Variants in SPEG observed in about 807,000 individuals in gnomAD.
SPEG encodes the protein striated muscle preferentially expressed protein kinase.
A neutral mutation model predicts 300.4 loss-of-function variants in SPEG; 114 were observed. The ratio of observed to expected loss-of-function variants is 0.38; its 90% confidence interval spans 0.33 to 0.44. SPEG has a LOEUF of 0.44. SPEG is among the 20% of genes least tolerant of loss of function. The pLI is 1.00. For missense variants in SPEG, 4,201 were observed against 4,586.2 expected, an observed-to-expected ratio of 0.92 and a Z score of 2.43; for synonymous variants, 1,964 against 2,018.9, an observed-to-expected ratio of 0.97 and a Z score of 0.73.
At position 219,472,621 on chromosome 2, in the gene SPEG, G is replaced by A. The variant is rs1037115555; in HGVS notation, c.3941-269G>A. Among the ~76,000 whole-genome samples the A allele has an allele frequency of 5.9e-5, 9 of 152,244 alleles. No individual in the cohort carries two copies. The South Asian group carries it at 1.2e-3, about 21-fold the overall frequency. The stretch of plus-strand genomic sequence containing the variant: ...CTCGTCTTGTCCAGGATCTCCTCCC[G>A]CTCTGCCTCAGTTTCCCTACCTCAG... On this transcript the variant is annotated intron_variant, in intron 15 of 40. Transcript: ENST00000312358.
chr2:219,461,734 G>A (rs1018529395), intron 6 of SPEG, 148 bp from the exon 7 acceptor site: 10 of 925,774 alleles, frequency 1.1e-5, no homozygotes, highest in African/African-American at 3.4e-5. Context: ...GAAGCTGGGC[G>A]AGGTCGCAGG....
Position 219,471,962 on chromosome 2 carries a change from C to T in SPEG, c.3810C>T (p.Ala1270=), listed in dbSNP as rs376217306. The T allele has an allele frequency of 2.4e-4, 388 of 1,613,340 alleles. 1 individual carries two copies. Among genetic ancestry groups the T allele is most frequent in the Non-Finnish European group, 3.2e-4 (372 of 1,179,988 alleles). The change falls in exon 14 of 41, where the codon GCC becomes GCT. Residue 1270 remains alanine, a synonymous_variant. Coordinates refer to ENST00000312358, the MANE Select transcript of SPEG (RefSeq NM_005876.5). ...TTGCCAACAAGCTGGGCAAAGCTGCCTGCTATGCCCACCTGTATGTCACAG... is the reference window on the plus strand; with the variant it reads ...TTGCCAACAAGCTGGGCAAAGCTGCTTGCTATGCCCACCTGTATGTCACAG... ...SVIANKLGKA[A]CYAHLYVTDV... is the part of the protein sequence containing the mutation.
chr2:219,467,259 C>A lies in SPEG; in HGVS notation c.2967C>A (p.Cys989Ter). The A allele has an allele frequency of 6.2e-7, 1 of 1,608,254 alleles. No homozygotes were observed. Among genetic ancestry groups the A allele is most frequent in the Non-Finnish European group, 8.5e-7 (1 of 1,178,764 alleles). ...CCGGGGAGATGGCGCTGTTTGAGTG[C>A]CTGGTGGCGGGGCCCACTGACGTGG... ...VGAGEMALFE[C>*]LVAGPTDVEV... Residue 989 changes from cysteine (C) to a stop codon, truncating the protein, a stop_gained, in exon 10 of 41, where the codon TGC becomes TGA. Coordinates refer to ENST00000312358, the MANE Select transcript of SPEG (RefSeq NM_005876.5). LOFTEE classifies it high-confidence loss of function.
intron 39 of SPEG, 78 bp downstream of exon 39, chr2:219,491,947 TC>T: frequency 1.4e-6 from 2 of 1,392,548 alleles, no homozygotes. Flanking sequence ...CAACACCCTC[TC>T]CCCCGTGCCC....
chr2:219,461,724 G>T, intron 6 of SPEG, 158 bp from the exon 7 acceptor site: 1 of 882,070 alleles, frequency 1.1e-6, no homozygotes, highest in East Asian at 2.6e-5. Flanking sequence ...GGGAGGGGAA[G>T]AAGCTGGGCG....
chr2:219,456,970 C>T (rs1400270325), intron 6 of SPEG, among the ~76,000 whole-genome samples: 1 of 103,866 alleles, frequency 9.6e-6, no homozygotes, highest in African/African-American at 2.8e-5. Flanking sequence ...AAATTAATCA[C>T]TTCTGGGGCT....
At position 219,481,737 on chromosome 2, in the gene SPEG, A is replaced by C; in HGVS notation, c.5565+57A>C. The C allele has an allele frequency of 6.7e-7, 1 of 1,502,146 alleles. No homozygotes were observed. The highest frequency in any genetic ancestry group is 9.3e-7 in the Non-Finnish European group (1 of 1,078,512). The allele number at this position is 1,502,146 out of a possible 1,614,324, so 93.1% of individuals were successfully genotyped here. A position where few individuals can be genotyped will look rare whatever the true frequency, so the allele number is the denominator to read the frequency against. Reference sequence around the variant, plus strand: ...AGGTGGAGGGAGAGAGAATGTTACTAACAGCTCTATTTATTGAGTACCTAC... The same window carrying C: ...AGGTGGAGGGAGAGAGAATGTTACTCACAGCTCTATTTATTGAGTACCTAC... On this transcript the variant is annotated intron_variant, in intron 28 of 40. Transcript: ENST00000312358. The surrounding 1 kb of genome is among the most constrained non-coding windows in gnomAD (Gnocchi z 5.4).
chr2:219,448,708 T>C lies in SPEG; in HGVS notation c.1550T>C (p.Leu517Pro). The change falls in exon 4 of 41, where the codon CTG becomes CCG. Residue 517 changes from leucine to proline, a missense_variant. By Grantham distance (98) the Leu-to-Pro change is moderately conservative. This residue lies in a region of SPEG where 1,258 missense variants were observed against 1,293.9 expected (regional missense o/e 0.97). Transcript: ENST00000312358. Reference sequence around the variant, plus strand: ...GAGCTGGTGCGCTCGCACGAGTCCCTGCGCGCCACGCTGCAGCGTGCCCCA... The same window carrying C: ...GAGCTGGTGCGCTCGCACGAGTCCCCGCGCGCCACGCTGCAGCGTGCCCCA... ...REELVRSHESLRATLQRAPSP... is the reference protein window; with the variant it reads ...REELVRSHESPRATLQRAPSP... 1 of 1,493,356 alleles carries C rather than the reference T, an allele frequency of 6.7e-7. No homozygotes were observed. Among genetic ancestry groups the C allele is most frequent in the East Asian group, 2.8e-5 (1 of 35,348 alleles). 92.5% of individuals were successfully genotyped at this position (1,493,356 alleles called of 1,614,324 possible).
chr2:219,468,283 G>C (rs879323759), intron 10 of SPEG, among the ~76,000 whole-genome samples: 18 of 152,180 alleles, frequency 1.2e-4, no homozygotes, highest in Admixed American at 1.1e-3. Context: ...GCTTCATCCA[G>C]GGTGGGCAGG....
intron 28 of SPEG, chr2:219,482,002 T>C (rs1692892378): frequency 2.0e-6 from 1 of 498,592 alleles, no homozygotes; most frequent in South Asian, 2.2e-5. Flanking sequence ...TCCTGACTTC[T>C]GTCTGTCCAT....
In SPEG at chr2:219,448,271, C is replaced by G; in HGVS notation, c.1113C>G (p.Ser371=). ...SGPSLAGTAE[S]RPQTPLSEAS... ...CCTCCCTGGCGGGCACCGCGGAATCCCGACCCCAGACGCCACTGAGCGAGG... is the reference window on the plus strand; with the variant it reads ...CCTCCCTGGCGGGCACCGCGGAATCGCGACCCCAGACGCCACTGAGCGAGG... The change falls in exon 4 of 41, where the codon TCC becomes TCG. Residue 371 remains serine, a synonymous_variant. Coordinates refer to ENST00000312358, the MANE Select transcript of SPEG (RefSeq NM_005876.5). 1 of 1,611,960 alleles carries G rather than the reference C, an allele frequency of 6.2e-7. No homozygotes were observed. Among genetic ancestry groups the G allele is most frequent in the African/African-American group, 1.3e-5 (1 of 74,994 alleles).
intron 6 of SPEG, chr2:219,461,075 T>A (rs1690641618): frequency 1.1e-6 from 1 of 926,816 alleles, no homozygotes; most frequent in Non-Finnish European, 1.3e-6. Flanking sequence ...GGCAGTTTCA[T>A]GTCTGTATTT....
rs201948477 is a variant in SPEG at position 219,443,115 on chromosome 2, G to T, written c.389-1538G>T. 2 of 1,612,358 alleles carry T rather than the reference G, an allele frequency of 1.2e-6. No individual in the cohort carries two copies. The highest frequency in any genetic ancestry group is 1.7e-6 in the Non-Finnish European group (2 of 1,179,702). On this transcript the variant is annotated intron_variant, in intron 1 of 40. Transcript: ENST00000312358. The surrounding 1 kb of genome is among the most constrained non-coding windows in gnomAD (Gnocchi z 4.6). Reference sequence around the variant, plus strand: ...CTGGCTTTTCTCTTTCAGAAAACCGGCCATTCCCGCCGGGCCTTTGGCCGA... The same window carrying T: ...CTGGCTTTTCTCTTTCAGAAAACCGTCCATTCCCGCCGGGCCTTTGGCCGA...
At position 219,484,878 on chromosome 2, in the gene SPEG, G is replaced by T. The variant is rs188275300; in HGVS notation, c.7415G>T (p.Gly2472Val). ...CTGTCCAGCCGATTGCAGCGCAGTG[G>T]CAGCAGCGAGGACTCGGGGGGCGCG... ...ERLSSRLQRS[G>V]SSEDSGGASG... is the part of the protein sequence containing the mutation. The change falls in exon 30 of 41, where the codon GGC (glycine) becomes GTC (valine). Residue 2472 changes from glycine to valine, a missense_variant. Physicochemically the swap from Gly to Val is moderately radical, Grantham distance 109. This residue lies in a region of SPEG where 1,578 missense variants were observed against 1,506.0 expected (regional missense o/e 1.05). Transcript: ENST00000312358. The T allele has an allele frequency of 4.6e-6, 7 of 1,524,980 alleles. No homozygotes were observed. In the East Asian group the frequency reaches 1.8e-4, roughly 39 times the overall value. 94.5% of individuals were successfully genotyped at this position (1,524,980 alleles called of 1,614,324 possible).
intron 13 of SPEG, among the ~76,000 whole-genome samples, chr2:219,470,757 C>A (rs1162992893): frequency 1.3e-5 from 2 of 152,012 alleles, no homozygotes; most frequent in Admixed American, 6.6e-5. Flanking sequence ...CACATGGTAC[C>A]AAGGTCAAAC....
intron 31 of SPEG, among the ~76,000 whole-genome samples, chr2:219,487,864 A>T (rs1559428624): frequency 6.6e-6 from 1 of 152,138 alleles, no homozygotes; most frequent in Non-Finnish European, 1.5e-5. Context: ...GTTTGCTTTT[A>T]TTTTATTTAA....
Position 219,476,394 on chromosome 2 carries a change from T to TA in SPEG, c.4448-475dup, listed in dbSNP as rs1273768728. 2.6e-5 allele frequency among the ~76,000 whole-genome samples: 4 copies of TA among 152,098 alleles called. No individual in the cohort carries two copies. In the South Asian group the frequency reaches 8.3e-4, roughly 32 times the overall value. ...GCCACCTGCAGGGGCCAAGTTCAGG[T>TA]AGTCAGAAGCCAGCGGGTGGCCCTG... is the stretch of plus-strand genomic sequence containing the variant. On this transcript the variant is annotated intron_variant, in intron 18 of 40. Coordinates refer to ENST00000312358, the MANE Select transcript of SPEG (RefSeq NM_005876.5).
At chr2:219,454,719 T>A (rs1690040098) in intron 6 of SPEG, among the ~76,000 whole-genome samples, 1 of 152,204 alleles carries the variant, frequency 6.6e-6, no homozygotes, top group Admixed American at 6.5e-5. Flanking sequence ...TGCCTAGGGA[T>A]GTTTTCAGCA....
Position 219,490,851 on chromosome 2 carries a change from G to T in SPEG, c.9280G>T (p.Ala3094Ser). 1.9e-6 allele frequency: 3 copies of T among 1,613,896 alleles called. No homozygotes were observed. The highest frequency in any genetic ancestry group is 2.5e-6 in the Non-Finnish European group (3 of 1,179,994). The change falls in exon 38 of 41, where the codon GCC becomes TCC. Residue 3094 changes from alanine to serine, a missense_variant. Transcript: ENST00000312358. Reference protein sequence around the residue: ...LDIKPDNLLLAPDNALKIVDF... With the variant: ...LDIKPDNLLLSPDNALKIVDF... ...CATCAAGCCAGACAACCTGCTGCTG[G>T]CCCCTGACAATGCCCTCAAGATTGT...
Sources: gnomAD v4.1 joint callset for allele counts (sites outside exome capture counted in the v4.1 genomes callset) on GRCh38, gnomAD v4.1.1 for gene constraint, gnomAD v4.1.1 regional missense constraint, Gnocchi (gnomAD v3.1) non-coding constraint, MANE v1.5 for transcripts, NCBI Gene and HGNC (gene_info 2026-07-23, HGNC 2026-07-21) for gene names.